NEK1: variants seen among roughly 807,000 people sequenced by gnomAD.
The protein encoded by NEK1 is serine/threonine-protein kinase Nek1.
A neutral mutation model predicts 182.1 loss-of-function variants in NEK1; 137 were observed. The observed-to-expected ratio is 0.75, with a 90% CI of 0.65 to 0.87. The LOEUF is 0.87. Ranked by LOEUF, NEK1 falls within the 40% of genes least tolerant of loss-of-function variation. The probability of loss-of-function intolerance (pLI) is 0.00; values close to 1 mark genes in which losing one functional copy is unlikely to be tolerated. For synonymous variants in NEK1, 513 were observed against 492.2 expected (o/e 1.04, Z -0.56); for missense variants, 1,391 against 1,494.4 (o/e 0.93, Z 1.14).
intron 27 of NEK1, among the ~76,000 whole-genome samples, chr4:169,457,067 G>A (rs1743023110): frequency 6.6e-6 from 1 of 152,116 alleles, no homozygotes; most frequent in Non-Finnish European, 1.5e-5. Context: ...TAGGAAGGGT[G>A]GTGGTGGTGG....
At chr4:169,610,853 T>C (rs557646929) in intron 2 of NEK1, among the ~76,000 whole-genome samples, 6 of 152,350 alleles carry the variant, frequency 3.9e-5, no homozygotes, top group African/African-American at 1.4e-4. Context: ...TTTGGCGCTG[T>C]ATGCAGCTAC....
chr4:169,411,161 G>A (rs1733604436), intron 31 of NEK1, among the ~76,000 whole-genome samples: 1 of 152,178 alleles, frequency 6.6e-6, no homozygotes. Flanking sequence ...TTGTTCTTCA[G>A]ATTCCAAGGA....
In NEK1 at chr4:169,555,974, G is replaced by A. The variant is rs34540355; in HGVS notation, c.1388C>T (p.Ala463Val). 0.053 allele frequency: 85,236 copies of A among 1,613,538 alleles called. 2,679 individuals carry two copies. Among genetic ancestry groups the A allele is most frequent in the Non-Finnish European group, 0.065 (76,134 of 1,179,704 alleles). ...MQQQRAEDNE[A>V]KWKREIYGRG... ...ACCATATATTTCTCTTTTCCATTTA[G>A]CTTCATTATCTTCTGCTCTTTGTTG... The change falls in exon 17 of 36, where the codon GCT (alanine) becomes GTT (valine). Residue 463 changes from alanine (A) to valine (V), a missense_variant. Around this residue, in one of 5 missense-constraint regions of NEK1, gnomAD observed 1,216 missense variants for 1,277.6 expected, o/e 0.95. Transcript: ENST00000507142.
chr4:169,402,720 A>T (rs1579308783), intron 32 of NEK1, among the ~76,000 whole-genome samples: 2 of 152,232 alleles, frequency 1.3e-5, no homozygotes, highest in East Asian at 3.8e-4. Flanking sequence ...ATGAACCAAA[A>T]TGTTTAAATG....
chr4:169,606,713 G>A (rs1029648427), intron 2 of NEK1, among the ~76,000 whole-genome samples: 1 of 152,192 alleles, frequency 6.6e-6, no homozygotes, highest in Non-Finnish European at 1.5e-5. Context: ...CTATGATCTA[G>A]GAGATTAAGT....
At chr4:169,497,294 T>G (rs1751514348) in intron 23 of NEK1, among the ~76,000 whole-genome samples, 2 of 152,340 alleles carry the variant, frequency 1.3e-5, no homozygotes, top group Non-Finnish European at 2.9e-5. Flanking sequence ...TTCTTCTCTC[T>G]TTTCTTCTTT....
chr4:169,487,896 G>A (rs1749334781), intron 23 of NEK1, among the ~76,000 whole-genome samples: 1 of 151,950 alleles, frequency 6.6e-6, no homozygotes, highest in African/African-American at 2.4e-5. Flanking sequence ...GTTCTGATTT[G>A]CATTTCTCTA....
chr4:169,578,249 A>G (rs1766029797), intron 11 of NEK1, among the ~76,000 whole-genome samples: 1 of 152,118 alleles, frequency 6.6e-6, no homozygotes, highest in African/African-American at 2.4e-5. Flanking sequence ...AAAAGAAGTC[A>G]GAGTAGAGTC....
At chr4:169,592,587 C>A (rs1411695286) in intron 5 of NEK1, among the ~76,000 whole-genome samples, 3 of 151,880 alleles carry the variant, frequency 2.0e-5, no homozygotes, top group Non-Finnish European at 4.4e-5. Context: ...AGCTACCAAT[C>A]AGTTAACAGT....
At chr4:169,526,070 C>T (rs1756851728) in intron 19 of NEK1, among the ~76,000 whole-genome samples, 1 of 152,202 alleles carries the variant, frequency 6.6e-6, no homozygotes, top group African/African-American at 2.4e-5. Flanking sequence ...CTCTGACACA[C>T]ACATACACAC....
chr4:169,584,174 G>A (rs1767133281), intron 10 of NEK1, among the ~76,000 whole-genome samples: 1 of 151,538 alleles, frequency 6.6e-6, no homozygotes, highest in Non-Finnish European at 1.5e-5. Flanking sequence ...TTAAAATTCA[G>A]TTAAACTCAA....
chr4:169,560,749 C>A (rs1762784643), intron 16 of NEK1, among the ~76,000 whole-genome samples: 1 of 151,010 alleles, frequency 6.6e-6, no homozygotes, highest in African/African-American at 2.4e-5. Flanking sequence ...GAAGCCCTTG[C>A]CAGACAGGTT....
At chr4:169,455,605 C>A (rs777614961) in intron 27 of NEK1, among the ~76,000 whole-genome samples, 1 of 152,072 alleles carries the variant, frequency 6.6e-6, no homozygotes, top group South Asian at 2.1e-4. Flanking sequence ...ACTGGAGTAC[C>A]CATATATGTA....
intron 5 of NEK1, among the ~76,000 whole-genome samples, chr4:169,591,685 A>C (rs1309849741): frequency 6.6e-6 from 1 of 152,162 alleles, no homozygotes; most frequent in Non-Finnish European, 1.5e-5. Flanking sequence ...AACTAAAAAA[A>C]AATAATAAAA....
chr4:169,524,767 A>G (rs966251201), intron 19 of NEK1, among the ~76,000 whole-genome samples: 8 of 152,218 alleles, frequency 5.3e-5, no homozygotes, highest in African/African-American at 1.9e-4. Context: ...TCAAATTCTT[A>G]ATGGTATGGA....
In NEK1 at chr4:169,435,417, A is replaced by G. The variant is rs1003473656; in HGVS notation, c.2765-1752T>C. The stretch of plus-strand genomic sequence containing the variant: ...AGGGAGGGGAACAAACTTTCGTTCC[A>G]TAATGATACTAGTAACTATGTTCTA... On this transcript the variant is annotated intron_variant, in intron 28 of 35. Coordinates refer to ENST00000507142, the MANE Select transcript of NEK1 (RefSeq NM_001199397.3). Among the ~76,000 whole-genome samples the G allele has an allele frequency of 6.6e-5, 10 of 152,346 alleles. 1 individual carries two copies. Among genetic ancestry groups the G allele is most frequent in the Admixed American group, 6.5e-4 (10 of 15,306 alleles).
At chr4:169,524,460 T>TCAAA (rs1756577174) in intron 19 of NEK1, among the ~76,000 whole-genome samples, 1 of 80,160 alleles carries the variant, frequency 1.2e-5, no homozygotes, top group Admixed American at 1.6e-4. Flanking sequence ...AAATTCCATC[T>TCAAA]CAAAAAAAAA....
Position 169,438,230 on chromosome 4 carries a change from G to T in NEK1, c.2617C>A (p.Pro873Thr), listed in dbSNP as rs1738788705. The change falls in exon 28 of 36, where the codon CCC becomes ACC. Residue 873 changes from proline (P) to threonine (T), a missense_variant. By Grantham distance (38) the Pro-to-Thr change is conservative. Transcript: ENST00000507142. ...ACTTTTTTTTCTCCAGTAATTAAGG[G>T]TTTGTACTTTTCCCCTTCGGGAGAA... ...EISPEGEKYK[P>T]LITGEKKVQC... 6.4e-7 allele frequency: 1 copy of T among 1,557,780 alleles called. No individual in the cohort carries two copies.
intron 27 of NEK1, among the ~76,000 whole-genome samples, chr4:169,459,459 G>A (rs1374650053): frequency 6.6e-6 from 1 of 152,146 alleles, no homozygotes; most frequent in African/African-American, 2.4e-5. Flanking sequence ...GACACTTTGG[G>A]AGACTGGTGG....
Sources: allele counts gnomAD v4.1 joint callset (sites outside exome capture counted in the v4.1 genomes callset), GRCh38; gene constraint gnomAD v4.1.1; regional missense constraint gnomAD v4.1.1; transcripts MANE v1.5; gene names NCBI Gene and HGNC (gene_info 2026-07-23, HGNC 2026-07-21).